PCDHA3: variants seen among roughly 807,000 people sequenced by gnomAD.
PCDHA3 encodes the protein protocadherin alpha 3.
PCDHA3 carries 41 observed loss-of-function variants against 62.2 expected under a neutral mutation model. The observed-to-expected ratio is 0.66, with a 90% CI of 0.51 to 0.86. The LOEUF is 0.86. Among genes scored for constraint, PCDHA3 ranks in the 40% least tolerant of loss-of-function variants. The probability of loss-of-function intolerance (pLI) is 0.00; values close to 1 mark genes in which losing one functional copy is unlikely to be tolerated. For synonymous variants in PCDHA3, 640 were observed against 555.4 expected (o/e 1.15, Z -2.14); for missense variants, 1,304 against 1,241.2 (o/e 1.05, Z -0.76).
intron 1 of PCDHA3, among the ~76,000 whole-genome samples, chr5:140,955,549 C>T (rs1216178805): frequency 6.6e-6 from 1 of 152,140 alleles, no homozygotes; most frequent in Non-Finnish European, 1.5e-5. Context: ...TTCTTGAGGC[C>T]TCCCCAGCCA....
rs548122977 is a variant in PCDHA3 at position 141,010,588 on chromosome 5, T to C, written c.*651T>C. ...AGGCTTTAGGAGACCCTAAAGTCTG[T>C]TGGCTGTGACGTCATTATACCTAAA... On this transcript the variant is annotated 3_prime_UTR_variant, in exon 4 of 4. Coordinates refer to ENST00000522353, the MANE Select transcript of PCDHA3 (RefSeq NM_018906.3). 5 of 233,334 alleles carry C rather than the reference T, an allele frequency of 2.1e-5. No individual in the cohort carries two copies. In the East Asian group the frequency reaches 4.8e-4, roughly 22 times the overall value. 14.5% of individuals were successfully genotyped at this position (233,334 alleles called of 1,614,324 possible).
chr5:140,966,923 G>A (rs781929029), intron 1 of PCDHA3: 36 of 1,602,826 alleles, frequency 2.2e-5, no homozygotes, highest in Non-Finnish European at 3.0e-5. Context: ...AGAGGAGCAG[G>A]CACCCGGCGC....
chr5:140,843,468 T>C, intron 1 of PCDHA3: 2 of 1,595,998 alleles, frequency 1.3e-6, no homozygotes, highest in Non-Finnish European at 1.7e-6. Flanking sequence ...CTCACGCTGC[T>C]GCTGTACACT....
chr5:140,925,106 G>GAA (rs1554202543), intron 1 of PCDHA3, among the ~76,000 whole-genome samples: 1 of 151,098 alleles, frequency 6.6e-6, no homozygotes, highest in African/African-American at 2.4e-5. Flanking sequence ...AGGAAGGAAG[G>GAA]AGGGAAGGAA....
chr5:140,991,635 T>C (rs1215420696), intron 3 of PCDHA3, among the ~76,000 whole-genome samples: 1 of 152,220 alleles, frequency 6.6e-6, no homozygotes, highest in East Asian at 1.9e-4. Flanking sequence ...GTAATAACAA[T>C]CTGTTCATGA....
At chr5:140,884,493 C>G (rs782633321) in intron 1 of PCDHA3, 4 of 1,613,920 alleles carry the variant, frequency 2.5e-6, no homozygotes, top group South Asian at 1.1e-5. Context: ...CTAGTGTGCT[C>G]CAGCGCGGCA....
intron 1 of PCDHA3, chr5:140,877,218 G>T: frequency 1.2e-6 from 2 of 1,613,726 alleles, no homozygotes; most frequent in South Asian, 1.1e-5. Context: ...AGTTGGTACC[G>T]CGGTCGGTGG....
intron 1 of PCDHA3, among the ~76,000 whole-genome samples, chr5:140,975,611 A>C (rs191363875): frequency 7.0e-4 from 106 of 152,356 alleles, no homozygotes; most frequent in African/African-American, 2.4e-3. Flanking sequence ...GATGTCTTCC[A>C]CATGGATTTC....
chr5:140,997,384 A>T (rs2097769179), intron 3 of PCDHA3, among the ~76,000 whole-genome samples: 1 of 152,198 alleles, frequency 6.6e-6, no homozygotes, highest in South Asian at 2.1e-4. Context: ...AGCATACTAC[A>T]CACTTAGGCT....
In PCDHA3 at chr5:140,858,243, C is replaced by T. The variant is rs781796341; in HGVS notation, c.2394+54652C>T. On this transcript the variant is annotated intron_variant, in intron 1 of 3. Transcript: ENST00000522353. ...GCGCCCACCGAGGGCGCATGTGGGC[C>T]GGTGAAGCCCACGCTGGTGTGCTCT... The T allele has an allele frequency of 6.9e-6, 11 of 1,595,896 alleles. No homozygotes were observed. The highest frequency in any genetic ancestry group is 6.9e-6 in the Non-Finnish European group (8 of 1,165,828).
rs543675270 is a variant in PCDHA3 at position 140,877,484 on chromosome 5, A to G, written c.2394+73893A>G. 2.3e-5 allele frequency: 37 copies of G among 1,613,814 alleles called. No individual in the cohort carries two copies. The highest frequency in any genetic ancestry group is 3.1e-5 in the Non-Finnish European group (36 of 1,179,856). On this transcript the variant is annotated intron_variant, in intron 1 of 3. Transcript: ENST00000522353. ...GCCACGGTGCTGGTGTCGCTGGTGG[A>G]GAACGGCCAGGCCCCAAAGACGTCG...
At chr5:140,823,960 G>A (rs2150130834) in intron 1 of PCDHA3, 1 of 1,614,104 alleles carries the variant, frequency 6.2e-7, no homozygotes, top group South Asian at 1.1e-5. Context: ...GCCCACCGAG[G>A]CCGTGTGCAC....
chr5:140,989,686 C>T (rs534780216), intron 3 of PCDHA3, among the ~76,000 whole-genome samples: 2 of 152,254 alleles, frequency 1.3e-5, no homozygotes, highest in African/African-American at 4.8e-5. Flanking sequence ...TTCAAAGGAA[C>T]GTGAAAATTT....
At chr5:140,829,714 C>T (rs1316878813) in intron 1 of PCDHA3, 33 of 1,613,426 alleles carry the variant, frequency 2.0e-5, no homozygotes, top group Non-Finnish European at 2.8e-5. Flanking sequence ...GCGACGCGGG[C>T]GTGCCGCCTC....
rs139533789 is a variant in PCDHA3, at chr5:140,857,716, C to G, written c.2394+54125C>G. ...TGACGCTGCAGGTGTTCGTGCTGGA[C>G]GAGAACGACAACGCTCCCGCGCTGC... On this transcript the variant is annotated intron_variant, in intron 1 of 3. Transcript: ENST00000522353. The G allele has an allele frequency of 3.1e-6, 5 of 1,597,272 alleles. No individual in the cohort carries two copies. Among genetic ancestry groups the G allele is most frequent in the East Asian group, 2.2e-5 (1 of 44,832 alleles).
chr5:141,002,271 T>C (rs942626808), intron 3 of PCDHA3, among the ~76,000 whole-genome samples: 3 of 152,220 alleles, frequency 2.0e-5, no homozygotes, highest in African/African-American at 7.2e-5. Context: ...CCAGAGCTGG[T>C]AACAAAGGGA....
chr5:140,967,865 C>G, intron 1 of PCDHA3: 1 of 1,614,164 alleles, frequency 6.2e-7, no homozygotes, highest in Non-Finnish European at 8.5e-7. Flanking sequence ...AGAGGTGGTG[C>G]TCACGGACCT....
At chr5:140,961,617 C>A (rs781986571) in intron 1 of PCDHA3, among the ~76,000 whole-genome samples, 47 of 152,204 alleles carry the variant, frequency 3.1e-4, no homozygotes, top group Middle Eastern at 3.4e-3. Context: ...AACTAAAGTG[C>A]CCATATGAAA....
At chr5:140,955,312 C>T (rs1022804259) in intron 1 of PCDHA3, among the ~76,000 whole-genome samples, 2 of 152,100 alleles carry the variant, frequency 1.3e-5, no homozygotes, top group Admixed American at 6.6e-5. Flanking sequence ...ACCCAAATCT[C>T]ACCTTGAATT....
Sources: gnomAD v4.1 joint callset for allele counts (sites outside exome capture counted in the v4.1 genomes callset) on GRCh38, gnomAD v4.1.1 for gene constraint, MANE v1.5 for transcripts, NCBI Gene and HGNC (gene_info 2026-07-23, HGNC 2026-07-21) for gene names.